HEPACAM2: variants seen among roughly 807,000 people sequenced by gnomAD.
HEPACAM2 encodes the protein mitotic kinetics regulator.
HEPACAM2 carries 49 observed loss-of-function variants against 49.6 expected under a neutral mutation model. That is an observed-to-expected ratio of 0.99 (90% CI 0.78 to 1.25). The LOEUF (loss-of-function observed/expected upper bound fraction) is 1.25. HEPACAM2 is among the 50% of genes most tolerant of loss of function. The pLI is 0.00. For synonymous variants in HEPACAM2, 197 were observed against 202.9 expected (o/e 0.97, Z 0.25); for missense variants, 525 against 557.2 (o/e 0.94, Z 0.58).
upstream of HEPACAM2, among the ~76,000 whole-genome samples, chr7:93,227,190 C>A (rs1184657600): frequency 6.6e-6 from 1 of 152,144 alleles, no homozygotes; most frequent in African/African-American, 2.4e-5. Flanking sequence ...AACCAATGAT[C>A]TAGAAAAGAT....
At chr7:93,230,958 T>G (rs2116742204), upstream of HEPACAM2, among the ~76,000 whole-genome samples, 2 of 152,364 alleles carry the variant, frequency 1.3e-5, no homozygotes, top group East Asian at 3.9e-4. Context: ...TTACAATTTA[T>G]ACATTTCATT....
rs536202270 is a variant in HEPACAM2 at position 93,209,127 on chromosome 7, C to T, written c.716-251G>A. Among the ~76,000 whole-genome samples the T allele has an allele frequency of 2.4e-4, 37 of 152,030 alleles. No individual in the cohort carries two copies. The South Asian group carries it at 7.5e-3, about 31-fold the overall frequency. On this transcript the variant is annotated intron_variant, in intron 3 of 9. Coordinates refer to ENST00000394468, the MANE Select transcript of HEPACAM2 (RefSeq NM_001039372.4). ...TTGAACTAATCTGAAATAGTAAAAG[C>T]CTGAAACTTCATATACAATTTTACA...
upstream of HEPACAM2, chr7:93,226,565 C>T (rs1794546044): frequency 1.4e-6 from 1 of 732,652 alleles, no homozygotes; most frequent in East Asian, 2.6e-5. Context: ...GATTTGAATA[C>T]AGAATGAATG....
intron 2 of HEPACAM2, among the ~76,000 whole-genome samples, chr7:93,216,833 C>G (rs1395475649): frequency 1.3e-5 from 2 of 152,140 alleles, no homozygotes; most frequent in Non-Finnish European, 2.9e-5. Flanking sequence ...AATTTCCTTT[C>G]AAGCTTTTAA....
chr7:93,188,674 C>A lies in HEPACAM2; in HGVS notation c.*593G>T. On this transcript the variant is annotated 3_prime_UTR_variant, in exon 10 of 10. Transcript: ENST00000394468. ...TTTAATAGTCATTTCCTTAAGTGTT[C>A]ACAAGTCTTCTCAAAAATACTACTG... 4.8e-6 allele frequency: 1 copy of A among 207,378 alleles called. No individual in the cohort carries two copies. The highest frequency in any genetic ancestry group is 2.3e-5 in the African/African-American group (1 of 43,622). 12.8% of individuals were successfully genotyped at this position (207,378 alleles called of 1,614,324 possible). A position where few individuals can be genotyped will look rare whatever the true frequency, so the allele number is the denominator to read the frequency against.
chr7:93,221,461 A>G (rs1325737628), intron 1 of HEPACAM2, among the ~76,000 whole-genome samples: 1 of 152,208 alleles, frequency 6.6e-6, no homozygotes, highest in Non-Finnish European at 1.5e-5. Flanking sequence ...TTTCCTTGGA[A>G]AAACTCAAAG....
chr7:93,200,680 T>G (rs574172435), intron 4 of HEPACAM2, among the ~76,000 whole-genome samples: 1 of 152,276 alleles, frequency 6.6e-6, no homozygotes, highest in East Asian at 1.9e-4. Flanking sequence ...CCTAGCATCA[T>G]GCAGTTCAAA....
chr7:93,191,741 G>A (rs1191601948), intron 9 of HEPACAM2, among the ~76,000 whole-genome samples: 1 of 152,032 alleles, frequency 6.6e-6, no homozygotes, highest in Admixed American at 6.6e-5. Context: ...TGGGTGAGAG[G>A]CCAGTCCTCA....
chr7:93,222,869 A>C (rs1009932969), intron 1 of HEPACAM2, among the ~76,000 whole-genome samples: 1 of 152,192 alleles, frequency 6.6e-6, no homozygotes, highest in Non-Finnish European at 1.5e-5. Flanking sequence ...AGAGGGCCTA[A>C]ATAATTTTGA....
At chr7:93,226,506 G>T, upstream of HEPACAM2, 1 of 1,311,510 alleles carries the variant, frequency 7.6e-7, no homozygotes, top group Non-Finnish European at 1.1e-6. Flanking sequence ...TTATTTGCTA[G>T]GGAAATTAGC....
chr7:93,215,385 A>C lies in HEPACAM2; in HGVS notation c.715+16T>G, dbSNP rs1584349871. 1 of 1,604,290 alleles carries C rather than the reference A, an allele frequency of 6.2e-7. No individual in the cohort carries two copies. Among genetic ancestry groups the C allele is most frequent in the East Asian group, 2.2e-5 (1 of 44,642 alleles). On this transcript the variant is annotated intron_variant, in intron 3 of 9. Transcript: ENST00000394468. ...CAACAAAAAACAACTCATGAGTTAAAAAAAAATAAACTTACAATATATGAT... is the reference window on the plus strand; with the variant it reads ...CAACAAAAAACAACTCATGAGTTAACAAAAAATAAACTTACAATATATGAT...
At chr7:93,227,831 A>G (rs1316702715), upstream of HEPACAM2, among the ~76,000 whole-genome samples, 1 of 152,218 alleles carries the variant, frequency 6.6e-6, no homozygotes, top group Non-Finnish European at 1.5e-5. Context: ...TCTCGAATAC[A>G]GAGAATAATC....
intron 9 of HEPACAM2, among the ~76,000 whole-genome samples, chr7:93,191,799 G>A (rs1211216555): frequency 6.6e-6 from 1 of 151,998 alleles, no homozygotes; most frequent in East Asian, 1.9e-4. Context: ...TAAGAGGATT[G>A]GCATTGGTGC....
At position 93,195,827 on chromosome 7, in the gene HEPACAM2, C is replaced by T; in HGVS notation, c.1275+1G>A. 6.2e-7 allele frequency: 1 copy of T among 1,611,990 alleles called. No individual in the cohort carries two copies. Among genetic ancestry groups the T allele is most frequent in the South Asian group, 1.1e-5 (1 of 91,002 alleles). On this transcript the variant is annotated splice_donor_variant, in intron 8 of 9. Coordinates refer to ENST00000394468, the MANE Select transcript of HEPACAM2 (RefSeq NM_001039372.4). LOFTEE classifies it high-confidence loss of function. Reference sequence around the variant, plus strand: ...GTTAATCAGCCACTAGGAAAACCAACCCTGGAAACACCAGAAACATCTGGA... The same window carrying T: ...GTTAATCAGCCACTAGGAAAACCAATCCTGGAAACACCAGAAACATCTGGA...
chr7:93,218,071 A>AG (rs1373757664), intron 2 of HEPACAM2, among the ~76,000 whole-genome samples: 1 of 152,078 alleles, frequency 6.6e-6, no homozygotes, highest in Non-Finnish European at 1.5e-5. Context: ...AAAGGCCCTG[A>AG]GGAGGAGTGT....
chr7:93,214,646 A>C (rs1274448041), intron 3 of HEPACAM2, among the ~76,000 whole-genome samples: 1 of 152,180 alleles, frequency 6.6e-6, no homozygotes, highest in African/African-American at 2.4e-5. Context: ...CTAAAGCATA[A>C]TATTTAACAT....
At chr7:93,219,651 A>G in intron 1 of HEPACAM2, 200 bp from the exon 2 acceptor site, 1 of 859,086 alleles carries the variant, frequency 1.2e-6, no homozygotes, top group Non-Finnish European at 1.7e-6. Context: ...ACTCCACCCA[A>G]AGACCGTGCT....
chr7:93,228,198 TC>T (rs1261109198), upstream of HEPACAM2, among the ~76,000 whole-genome samples: 3 of 152,212 alleles, frequency 2.0e-5, no homozygotes, highest in African/African-American at 7.2e-5. Flanking sequence ...ACTGTGTTTT[TC>T]CCTAGTGTTA....
At chr7:93,190,356 T>C (rs747488407) in intron 9 of HEPACAM2, among the ~76,000 whole-genome samples, 33 of 151,732 alleles carry the variant, frequency 2.2e-4, no homozygotes, top group Non-Finnish European at 3.1e-4. Flanking sequence ...GAGACAGTTA[T>C]GGAGAAGGAG....
Sources: gnomAD v4.1 joint callset for allele counts (sites outside exome capture counted in the v4.1 genomes callset) on GRCh38, gnomAD v4.1.1 for gene constraint, MANE v1.5 for transcripts, NCBI Gene and HGNC (gene_info 2026-07-23, HGNC 2026-07-21) for gene names.